The following CACNA1E variants were observed in gnomAD, a reference collection of about 807,000 sequenced individuals.
CACNA1E encodes calcium voltage-gated channel subunit alpha1 E, also known as voltage-dependent R-type calcium channel subunit alpha-1E.
Under a neutral mutation model 259.2 loss-of-function variants are expected in CACNA1E, and 40 were observed. The observed-to-expected ratio is 0.15, with a 90% confidence interval of 0.12 to 0.20. The LOEUF is 0.20. CACNA1E is among the 10% of genes least tolerant of loss of function. The probability of loss-of-function intolerance (pLI) is 1.00; values close to 1 mark genes in which losing one functional copy is unlikely to be tolerated. For synonymous variants in CACNA1E, 1,104 were observed against 1,138.5 expected (o/e 0.97, Z 0.61); for missense variants, 1,874 against 3,040.1 (o/e 0.62, Z 9.02).
chr1:181,640,665 G>T (rs1055465381), intron 6 of CACNA1E, among the ~76,000 whole-genome samples: 11 of 152,222 alleles, frequency 7.2e-5, no homozygotes, highest in African/African-American at 2.4e-4. Flanking sequence ...TTGAGCGTCT[G>T]CCCTTGTAGG....
chr1:181,474,900 G>A (rs1455030657), intron 2 of CACNA1E, among the ~76,000 whole-genome samples: 1 of 152,182 alleles, frequency 6.6e-6, no homozygotes, highest in African/African-American at 2.4e-5. Context: ...TGCTGGAGAA[G>A]TTACCCCTGA....
At chr1:181,381,423 C>T (rs377435024) in intron 1 of CACNA1E, among the ~76,000 whole-genome samples, 36 of 152,150 alleles carry the variant, frequency 2.4e-4, no homozygotes, top group African/African-American at 8.7e-4. Flanking sequence ...ATATATGATT[C>T]CACTTACATA....
intron 1 of CACNA1E, among the ~76,000 whole-genome samples, chr1:181,354,144 CTTT>C (rs374722982): frequency 6.6e-5 from 9 of 135,718 alleles, no homozygotes; most frequent in African/African-American, 2.4e-4. Context: ...GGGCAGAGGA[CTTT>C]TTTTTTTTTT....
chr1:181,390,284 G>A (rs1040458000), intron 1 of CACNA1E, among the ~76,000 whole-genome samples: 3 of 150,714 alleles, frequency 2.0e-5, no homozygotes, highest in Non-Finnish European at 4.4e-5. Context: ...TGATTACCCA[G>A]GAGAGGAGAG....
rs750377468 is a variant in CACNA1E, at chr1:181,755,339, T to C, written c.3931T>C (p.Phe1311Leu). The change falls in exon 28 of 48, where the codon TTC becomes CTC. Residue 1311 changes from phenylalanine to leucine, a missense_variant. Physicochemically the swap from Phe to Leu is conservative, Grantham distance 22. Coordinates refer to ENST00000367573, the MANE Select transcript of CACNA1E (RefSeq NM_001205293.3). ...FIFAVIAVQLFKGKFFYCTDS... is the reference protein window; with the variant it reads ...FIFAVIAVQLLKGKFFYCTDS... ...CTTTGCTGTCATCGCAGTTCAGCTC[T>C]TCAAGGGAAAGTTCTTTTATTGCAC... 1.2e-6 allele frequency: 2 copies of C among 1,613,992 alleles called. No homozygotes were observed. Among genetic ancestry groups the C allele is most frequent in the Non-Finnish European group, 8.5e-7 (1 of 1,179,820 alleles).
At chr1:181,617,811 G>A (rs897279168) in intron 6 of CACNA1E, among the ~76,000 whole-genome samples, 1 of 152,222 alleles carries the variant, frequency 6.6e-6, no homozygotes, top group Non-Finnish European at 1.5e-5. Flanking sequence ...GTGACAGAGC[G>A]ATGTGGTATT....
At chr1:181,685,610 A>G (rs999887883) in intron 7 of CACNA1E, among the ~76,000 whole-genome samples, 1 of 152,128 alleles carries the variant, frequency 6.6e-6, no homozygotes, top group African/African-American at 2.4e-5. Context: ...TCTTAAACCC[A>G]TTTCTGGAAG....
At chr1:181,723,015 T>A (rs1350530571) in intron 16 of CACNA1E, among the ~76,000 whole-genome samples, 1 of 152,138 alleles carries the variant, frequency 6.6e-6, no homozygotes, top group Non-Finnish European at 1.5e-5. Context: ...CCACAACACA[T>A]AGGCTTTGAA....
At position 181,559,907 on chromosome 1, in the gene CACNA1E, A is replaced by G. The variant is rs929920895; in HGVS notation, c.513-17859A>G. ...CTGCTGAAGGCGTGGGATGCAGAGC[A>G]TCGACATTCTTCTGCAATGTGAGAA... On this transcript the variant is annotated intron_variant, in intron 3 of 47. Transcript: ENST00000367573. 5.3e-5 allele frequency among the ~76,000 whole-genome samples: 8 copies of G among 152,372 alleles called. No homozygotes were observed. In the South Asian group the frequency reaches 8.3e-4, roughly 16 times the overall value.
At chr1:181,762,550 C>T (rs1468647700) in intron 32 of CACNA1E, 24 bp from the exon 33 acceptor site, 1 of 1,378,602 alleles carries the variant, frequency 7.3e-7, no homozygotes, top group South Asian at 1.2e-5. Flanking sequence ...TTCTGATGTT[C>T]CTATGACTGA....
In CACNA1E at chr1:181,739,138, C is replaced by T. The variant is rs369511459; in HGVS notation, c.3613-9C>T. 9 of 1,556,914 alleles carry T rather than the reference C, an allele frequency of 5.8e-6. No individual in the cohort carries two copies. Among genetic ancestry groups the T allele is most frequent in the Middle Eastern group, 1.7e-4 (1 of 5,958 alleles). On this transcript the variant is annotated splice_polypyrimidine_tract_variant and intron_variant, in intron 24 of 47. Coordinates refer to ENST00000367573, the MANE Select transcript of CACNA1E (RefSeq NM_001205293.3). The stretch of plus-strand genomic sequence containing the variant: ...TTGGCTCACTGTGGCTGTTCATATC[C>T]TTCTGCAGATGATAGACCAAGGCTT...
rs1270703395 is a variant in CACNA1E at position 181,762,769 on chromosome 1, C to G, written c.4689+112C>G. 3.0e-5 allele frequency: 20 copies of G among 671,048 alleles called. No individual in the cohort carries two copies. The East Asian group carries it at 4.8e-4, about 16-fold the overall frequency. 41.6% of individuals were successfully genotyped at this position (671,048 alleles called of 1,614,324 possible). A position where few individuals can be genotyped will look rare whatever the true frequency, so the allele number is the denominator to read the frequency against. On this transcript the variant is annotated intron_variant, in intron 33 of 47. Transcript: ENST00000367573. ...CCCACCAAAGCAAATGCGTACCCCTCTAAGTGTTGGGAATTTACTCCCTTG... is the reference window on the plus strand; with the variant it reads ...CCCACCAAAGCAAATGCGTACCCCTGTAAGTGTTGGGAATTTACTCCCTTG...
At chr1:181,359,333 G>A (rs1314844867) in intron 1 of CACNA1E, among the ~76,000 whole-genome samples, 1 of 152,130 alleles carries the variant, frequency 6.6e-6, no homozygotes, top group Non-Finnish European at 1.5e-5. Context: ...GAGAGGGTTC[G>A]GAAATGACAC....
At chr1:181,477,424 T>C (rs184878354) in intron 2 of CACNA1E, among the ~76,000 whole-genome samples, 214 of 152,294 alleles carry the variant, frequency 1.4e-3, no homozygotes, top group Middle Eastern at 6.8e-3. Context: ...GTCTAATTTA[T>C]CTCTGAGCCC....
rs534397374 is a variant in CACNA1E, at chr1:181,495,535, A to AT, written c.266+11528dup. On this transcript the variant is annotated intron_variant, in intron 1 of 47. Transcript: ENST00000367573. ...AATCTTGGTTATTAGTATATGGTTA[A>AT]TTTCAGATACATAAACATTAAACTT... Among the ~76,000 whole-genome samples the AT allele has an allele frequency of 4.6e-5, 7 of 152,348 alleles. No individual in the cohort carries two copies. In the South Asian group the frequency reaches 1.0e-3, roughly 23 times the overall value.
chr1:181,555,695 G>A (rs932914172), intron 3 of CACNA1E, among the ~76,000 whole-genome samples: 1 of 152,218 alleles, frequency 6.6e-6, no homozygotes, highest in Non-Finnish European at 1.5e-5. Context: ...CTTGGCATTT[G>A]GAAGATGTGA....
intron 8 of CACNA1E, 97 bp downstream of exon 8, chr1:181,711,166 A>G: frequency 1.2e-6 from 1 of 826,522 alleles, no homozygotes; most frequent in South Asian, 1.5e-5. Context: ...GGCAGCCTAG[A>G]CAAGACAAGA....
chr1:181,345,189 G>A (rs1652492668), intron 1 of CACNA1E, among the ~76,000 whole-genome samples: 1 of 152,272 alleles, frequency 6.6e-6, no homozygotes. Flanking sequence ...GGAAGGCAAA[G>A]CCAGGGAGAA....
intron 6 of CACNA1E, among the ~76,000 whole-genome samples, chr1:181,617,454 G>A (rs1244442268): frequency 6.6e-6 from 1 of 152,150 alleles, no homozygotes; most frequent in Non-Finnish European, 1.5e-5. Flanking sequence ...GAGATCATCA[G>A]GAATCTGAGT....
Sources: gnomAD v4.1 joint callset for allele counts (sites outside exome capture counted in the v4.1 genomes callset) on GRCh38, gnomAD v4.1.1 for gene constraint, MANE v1.5 for transcripts, NCBI Gene and HGNC (gene_info 2026-07-23, HGNC 2026-07-21) for gene names.